DDX43: variants seen among roughly 807,000 people sequenced by gnomAD.
The protein encoded by DDX43 is DEAD-box helicase 43, also known as probable ATP-dependent RNA helicase DDX43.
In DDX43, 50 loss-of-function variants were observed where a neutral mutation model predicts 84.9. That is an observed-to-expected ratio of 0.59 (90% CI 0.47 to 0.75). The LOEUF (loss-of-function observed/expected upper bound fraction) is 0.75. DDX43 is among the 30% of genes least tolerant of loss of function. DDX43 has a pLI of 0.00. For missense variants in DDX43, 689 were observed against 798.6 expected (o/e 0.86, Z 1.65); for synonymous variants, 291 against 266.3 (o/e 1.09, Z -0.90).
chr6:73,407,505 C>G lies in DDX43; in HGVS notation c.927C>G (p.Ser309Arg), dbSNP rs1202486385. 6.3e-7 allele frequency: 1 copy of G among 1,597,812 alleles called. No individual in the cohort carries two copies. Among genetic ancestry groups the G allele is most frequent in the African/African-American group, 1.3e-5 (1 of 74,468 alleles). Residue 309 changes from serine to arginine, a missense_variant and splice_region_variant, in exon 8 of 17, where the codon AGC becomes AGG. Ser to Arg is a moderately radical substitution (Grantham distance 110, BLOSUM62 -1). This residue lies in a region of DDX43 where 552 missense variants were observed against 692.7 expected (regional missense o/e 0.80). Transcript: ENST00000370336. ...ATATTAATCTGTTTTCTCTCCAAAG[C>G]CTTAAAGGTCAAAGGAATAGACCCG... The part of the protein sequence containing the change: ...PGFIHLVLQP[S>R]LKGQRNRPGM...
At chr6:73,403,330 C>T (rs749177218) in intron 4 of DDX43, among the ~76,000 whole-genome samples, 1 of 152,024 alleles carries the variant, frequency 6.6e-6, no homozygotes, top group Non-Finnish European at 1.5e-5. Flanking sequence ...ATTAGCTGGG[C>T]GCGGTGGCAC....
Position 73,401,978 on chromosome 6 carries a change from A to G in DDX43, c.556A>G (p.Thr186Ala). ...AGAGGAAGGTTTGAAATGGCAAAAA[A>G]CAAAGTGGGCAGGTCAGTGCTGCTT... is the stretch of plus-strand genomic sequence containing the variant. ...IREEGLKWQK[T>A]KWADLPPIKK... The change falls in exon 4 of 17, where the codon ACA (threonine) becomes GCA (alanine). Residue 186 changes from threonine (T) to alanine (A), a missense_variant. By Grantham distance (58) the Thr-to-Ala change is moderately conservative. Coordinates refer to ENST00000370336, the MANE Select transcript of DDX43 (RefSeq NM_018665.3). The G allele has an allele frequency of 6.2e-7, 1 of 1,614,038 alleles. No individual in the cohort carries two copies. The highest frequency in any genetic ancestry group is 8.5e-7 in the Non-Finnish European group (1 of 1,179,976).
Position 73,413,754 on chromosome 6 carries a change from A to G in DDX43, c.1465A>G (p.Lys489Glu). 6.2e-7 allele frequency: 1 copy of G among 1,613,804 alleles called. No homozygotes were observed. The highest frequency in any genetic ancestry group is 8.5e-7 in the Non-Finnish European group (1 of 1,179,904). Residue 489 changes from lysine (K) to glutamate (E), a missense_variant, in exon 12 of 17, where the codon AAA becomes GAA. Physicochemically the swap from Lys to Glu is moderately conservative, Grantham distance 56. This residue lies in a region of DDX43 where 552 missense variants were observed against 692.7 expected (regional missense o/e 0.80). Coordinates refer to ENST00000370336, the MANE Select transcript of DDX43 (RefSeq NM_018665.3). Reference protein sequence around the residue: ...TFLQSMSSTDKVIVFVSRKAV... With the variant: ...TFLQSMSSTDEVIVFVSRKAV... ...TCTACAGAGTATGTCATCCACAGAC[A>G]AAGTCATTGTCTTCGTTTCTCGAAA...
At chr6:73,395,228 C>T in intron 1 of DDX43, 73 bp downstream of exon 1, 20 of 1,491,338 alleles carry the variant, frequency 1.3e-5, no homozygotes, top group Non-Finnish European at 1.7e-5. Context: ...GCATTTCCTC[C>T]CCACTGCCTC....
chr6:73,396,270 T>A (rs745982830), intron 1 of DDX43, among the ~76,000 whole-genome samples: 2 of 152,210 alleles, frequency 1.3e-5, no homozygotes, highest in Non-Finnish European at 2.9e-5. Context: ...TGAAAAGCAT[T>A]TAAAAATGAT....
At position 73,406,372 on chromosome 6, in the gene DDX43, A is replaced by G; in HGVS notation, c.816A>G (p.Ala272=). Residue 272 remains alanine (A), a synonymous_variant, in exon 7 of 17, where the codon GCA becomes GCG. Coordinates refer to ENST00000370336, the MANE Select transcript of DDX43 (RefSeq NM_018665.3). ...TTATCATTCCGTTTCAGTCACAGGC[A>G]TGGCCCATTGTGTTGCAAGGAATAG... The part of the protein sequence containing the change: ...FQKPTPIQSQ[A]WPIVLQGIDL... 2.5e-6 allele frequency: 4 copies of G among 1,602,216 alleles called. No individual in the cohort carries two copies. The highest frequency in any genetic ancestry group is 1.1e-5 in the South Asian group (1 of 90,584).
chr6:73,398,979 T>C (rs1469902894), intron 2 of DDX43, among the ~76,000 whole-genome samples: 1 of 152,186 alleles, frequency 6.6e-6, no homozygotes, highest in Non-Finnish European at 1.5e-5. Flanking sequence ...GGAGTCTTGC[T>C]CTGTCGCCCA....
In DDX43 at chr6:73,399,024, C is replaced by T. The variant is rs922265939; in HGVS notation, c.307-1210C>T. Among the ~76,000 whole-genome samples the T allele has an allele frequency of 5.9e-5, 9 of 152,180 alleles. No individual in the cohort carries two copies. In the South Asian group the frequency reaches 6.2e-4, roughly 10 times the overall value. ...GCACTGGTGTGCTCTTAGCTCACCG[C>T]AACCACTGCCTCCTGGGTTCAAGAG... On this transcript the variant is annotated intron_variant, in intron 2 of 16. Transcript: ENST00000370336.
At chr6:73,405,941 G>A in intron 6 of DDX43, 106 bp downstream of exon 6, 1 of 1,038,280 alleles carries the variant, frequency 9.6e-7, no homozygotes, top group Non-Finnish European at 1.3e-6. Flanking sequence ...CATTCCACCA[G>A]CACCTTCTCC....
In DDX43 at chr6:73,394,910, C is replaced by T; in HGVS notation, c.5C>T (p.Ser2Phe). 1.9e-6 allele frequency: 3 copies of T among 1,614,100 alleles called. No individual in the cohort carries two copies. Among genetic ancestry groups the T allele is most frequent in the Non-Finnish European group, 1.7e-6 (2 of 1,179,972 alleles). The change falls in exon 1 of 17, where the codon TCC (serine) becomes TTC (phenylalanine). Residue 2 changes from serine (S) to phenylalanine (F), a missense_variant. Transcript: ENST00000370336. ...GACGCGCCCCTTCTTGGAACAATGT[C>T]CCACCACGGAGGAGCTCCCAAGGCC... The part of the protein sequence containing the change: M[S>F]HHGGAPKAST...
At chr6:73,404,606 T>C (rs747258949) in intron 4 of DDX43, 84 bp from the exon 5 acceptor site, 8 of 1,020,088 alleles carry the variant, frequency 7.8e-6, no homozygotes, top group Admixed American at 2.0e-5. Context: ...ATAAAATATA[T>C]TGTAGTATGA....
intron 7 of DDX43, 76 bp from the exon 8 acceptor site, chr6:73,407,429 A>G: frequency 2.8e-6 from 3 of 1,058,096 alleles, no homozygotes; most frequent in Non-Finnish European, 4.3e-6. Flanking sequence ...TGTTGCTACA[A>G]ATCTTGATGG....
At chr6:73,411,214 A>G (rs1769779701) in intron 10 of DDX43, among the ~76,000 whole-genome samples, 1 of 151,296 alleles carries the variant, frequency 6.6e-6, no homozygotes, top group Admixed American at 6.6e-5. Flanking sequence ...ATTTGGCTTA[A>G]ATACTTGGTA....
intron 4 of DDX43, among the ~76,000 whole-genome samples, chr6:73,403,235 G>A (rs7774384): frequency 6.6e-6 from 1 of 152,112 alleles, no homozygotes. Context: ...TTGGGAGGCC[G>A]AGGCTGGTGG....
At position 73,414,619 on chromosome 6, in the gene DDX43, T is replaced by C. The variant is rs559482961; in HGVS notation, c.1678T>C (p.Tyr560His). 1.2e-6 allele frequency: 2 copies of C among 1,613,776 alleles called. No individual in the cohort carries two copies. Among genetic ancestry groups the C allele is most frequent in the Non-Finnish European group, 1.7e-6 (2 of 1,179,700 alleles). ...TGATGTCCATGACGTTACACATGTC[T>C]ATAATTTTGACTTTCCACGGAATAT... Reference protein sequence around the residue: ...GLDVHDVTHVYNFDFPRNIEE... With the variant: ...GLDVHDVTHVHNFDFPRNIEE... Residue 560 changes from tyrosine (Y) to histidine (H), a missense_variant, in exon 14 of 17, where the codon TAT becomes CAT. This residue lies in a region of DDX43 where 552 missense variants were observed against 692.7 expected (regional missense o/e 0.80). Coordinates refer to ENST00000370336, the MANE Select transcript of DDX43 (RefSeq NM_018665.3).
At position 73,405,757 on chromosome 6, in the gene DDX43, T is replaced by G. The variant is rs1295717268; in HGVS notation, c.729T>G (p.Phe243Leu). The G allele has an allele frequency of 1.2e-6, 2 of 1,614,128 alleles. No homozygotes were observed. Among genetic ancestry groups the G allele is most frequent in the South Asian group, 2.2e-5 (2 of 91,074 alleles). The change falls in exon 6 of 17, where the codon TTT becomes TTG. Residue 243 changes from phenylalanine (F) to leucine (L), a missense_variant. By Grantham distance (22) the Phe-to-Leu change is conservative. Transcript: ENST00000370336. ...CTATCCCCAATCCTACCTGCACATT[T>G]GATGACGCCTTTCAATGTTATCCTG... is the stretch of plus-strand genomic sequence containing the variant. ...KRPIPNPTCT[F>L]DDAFQCYPEV...
chr6:73,406,808 G>T (rs925430062), intron 7 of DDX43, among the ~76,000 whole-genome samples: 1 of 152,100 alleles, frequency 6.6e-6, no homozygotes, highest in Non-Finnish European at 1.5e-5. Context: ...ACAAAAGGCT[G>T]GTATTGGGAA....
At chr6:73,402,338 C>T (rs1769593566) in intron 4 of DDX43, among the ~76,000 whole-genome samples, 1 of 151,990 alleles carries the variant, frequency 6.6e-6, no homozygotes, top group Admixed American at 6.6e-5. Context: ...CTTGGAGTAT[C>T]CTGGTTGACA....
chr6:73,395,104 G>T lies in DDX43; in HGVS notation c.199G>T (p.Glu67Ter). The change falls in exon 1 of 17, where the codon GAA becomes TAA. Residue 67 changes from glutamate (E) to a stop codon, truncating the protein, a stop_gained. Transcript: ENST00000370336. LOFTEE classifies it high-confidence loss of function. ...PPEAVAAGHE[E>*]LPLCFALKSH... ...GGAGGCCGTGGCCGCTGGTCACGAGGAACTGCCGCTGTGTTTTGCTTTGAA... is the reference window on the plus strand; with the variant it reads ...GGAGGCCGTGGCCGCTGGTCACGAGTAACTGCCGCTGTGTTTTGCTTTGAA... The T allele has an allele frequency of 6.2e-7, 1 of 1,614,152 alleles. No homozygotes were observed. Among genetic ancestry groups the T allele is most frequent in the Non-Finnish European group, 8.5e-7 (1 of 1,179,978 alleles).
Sources: gnomAD v4.1 joint callset for allele counts (sites outside exome capture counted in the v4.1 genomes callset) on GRCh38, gnomAD v4.1.1 for gene constraint, gnomAD v4.1.1 regional missense constraint, MANE v1.5 for transcripts, NCBI Gene and HGNC (gene_info 2026-07-23, HGNC 2026-07-21) for gene names.